The following GABRG3 variants were observed in gnomAD, a reference collection of about 807,000 sequenced individuals.
GABRG3 encodes the protein gamma-aminobutyric acid type A receptor subunit gamma3.
A neutral mutation model predicts 48.8 loss-of-function variants in GABRG3; 25 were observed. The observed-to-expected ratio is 0.51, with a 90% CI of 0.37 to 0.72. The LOEUF (loss-of-function observed/expected upper bound fraction) is 0.72. GABRG3 is among the 30% of genes least tolerant of loss of function. GABRG3 has a pLI of 0.00. For synonymous variants in GABRG3, 227 were observed against 217.6 expected (o/e 1.04, Z -0.38); for missense variants, 394 against 577.9 (o/e 0.68, Z 3.26).
intron 5 of GABRG3, among the ~76,000 whole-genome samples, chr15:27,388,075 A>AAGGAAGGAAAGG (rs1896011997): frequency 1.0e-5 from 1 of 100,436 alleles, no homozygotes; most frequent in African/African-American, 5.0e-5. Context: ...GTAAGGAAGG[A>AAGGAAGGAAAGG]AGGAAGGAAA....
At chr15:27,028,086 G>T (rs1896015726) in intron 3 of GABRG3, among the ~76,000 whole-genome samples, 1 of 152,234 alleles carries the variant, frequency 6.6e-6, no homozygotes, top group Admixed American at 6.5e-5. Flanking sequence ...TGTGCCTCGT[G>T]TTAGGCTTTG....
intron 6 of GABRG3, among the ~76,000 whole-genome samples, chr15:27,505,035 A>G (rs1890729776): frequency 6.6e-6 from 1 of 152,180 alleles, no homozygotes; most frequent in South Asian, 2.1e-4. Flanking sequence ...AGACTTGACC[A>G]GTTTTTCCAC....
At chr15:27,356,825 C>T (rs9672765) in intron 5 of GABRG3, among the ~76,000 whole-genome samples, 9,356 of 152,208 alleles carry the variant, frequency 0.061, 731 homozygotes, top group African/African-American at 0.18. Flanking sequence ...TTTCTTGATA[C>T]AGGGTTGAGT....
chr15:27,188,573 T>G (rs1595574141), intron 3 of GABRG3, among the ~76,000 whole-genome samples: 1 of 150,996 alleles, frequency 6.6e-6, no homozygotes, highest in African/African-American at 2.4e-5. Context: ...TTGATGGGGT[T>G]GTTTGTTTTT....
At chr15:27,234,914 G>C (rs908067704) in intron 3 of GABRG3, among the ~76,000 whole-genome samples, 2 of 152,164 alleles carry the variant, frequency 1.3e-5, no homozygotes, top group African/African-American at 4.8e-5. Context: ...CCCAGCGTGA[G>C]GGAAAGGGGG....
chr15:27,501,832 G>A (rs1339502153), intron 6 of GABRG3, among the ~76,000 whole-genome samples: 2 of 152,048 alleles, frequency 1.3e-5, no homozygotes, highest in African/African-American at 2.4e-5. Context: ...TACACCTCTG[G>A]TTTGTCATAT....
At chr15:27,379,433 T>G (rs1348577444) in intron 5 of GABRG3, among the ~76,000 whole-genome samples, 1 of 152,240 alleles carries the variant, frequency 6.6e-6, no homozygotes, top group African/African-American at 2.4e-5. Context: ...GCTGTTATTT[T>G]GAACAAACTA....
At chr15:27,497,792 T>G (rs2150852314) in intron 6 of GABRG3, among the ~76,000 whole-genome samples, 1 of 152,286 alleles carries the variant, frequency 6.6e-6, no homozygotes, top group Admixed American at 6.5e-5. Context: ...CATATTTTTG[T>G]CTTACTTCTA....
intron 7 of GABRG3, 111 bp from the exon 8 acceptor site, chr15:27,527,322 T>C (rs566911381): frequency 7.8e-5 from 65 of 837,896 alleles, no homozygotes; most frequent in African/African-American, 7.5e-4. Context: ...GTATGCAGCA[T>C]CAGGGATTCC....
intron 5 of GABRG3, among the ~76,000 whole-genome samples, chr15:27,329,681 G>A (rs545956319): frequency 9.9e-5 from 15 of 152,134 alleles, no homozygotes; most frequent in South Asian, 6.2e-4. Flanking sequence ...TTAATTTTTC[G>A]TAGTATTTTA....
chr15:27,079,355 A>T (rs567811991), intron 3 of GABRG3, among the ~76,000 whole-genome samples: 66 of 152,356 alleles, frequency 4.3e-4, no homozygotes, highest in African/African-American at 1.6e-3. Flanking sequence ...GGAAGTCAGA[A>T]TACTTTTAAA....
At chr15:27,459,231 C>T (rs1344066100) in intron 5 of GABRG3, among the ~76,000 whole-genome samples, 5 of 152,196 alleles carry the variant, frequency 3.3e-5, no homozygotes, top group African/African-American at 1.2e-4. Flanking sequence ...AGGCTCGGTC[C>T]CATACAGTAG....
rs949209352 is a variant in GABRG3, at chr15:27,328,666, T to C, written c.492-140T>C. 9.2e-6 allele frequency: 6 copies of C among 651,658 alleles called. No individual in the cohort carries two copies. The African/African-American group carries it at 1.1e-4, about 12-fold the overall frequency. 40.4% of individuals were successfully genotyped at this position (651,658 alleles called of 1,614,324 possible). ...CACAGCACAGTCTCACCGTGAATGG[T>C]TCCCGGGCCAAGAGTGAGCCGCACA... is the stretch of plus-strand genomic sequence containing the variant. On this transcript the variant is annotated intron_variant, in intron 4 of 9. Coordinates refer to ENST00000615808, the MANE Select transcript of GABRG3 (RefSeq NM_033223.5).
intron 3 of GABRG3, among the ~76,000 whole-genome samples, chr15:27,164,905 A>G (rs1282282944): frequency 6.6e-6 from 1 of 152,204 alleles, no homozygotes. Flanking sequence ...CTCTCAGTGG[A>G]AAGTGATGTC....
In GABRG3 at chr15:27,539,198, C is replaced by T. The variant is rs901812798; in HGVS notation, c.*6317C>T. The stretch of plus-strand genomic sequence containing the variant: ...TTACGGCAAGGCAGTGGGAAGGTGC[C>T]AGCATCCCCTTTCCACCTGAGATGG... On this transcript the variant is annotated 3_prime_UTR_variant, in exon 10 of 10. Coordinates refer to ENST00000615808, the MANE Select transcript of GABRG3 (RefSeq NM_033223.5). 5.3e-5 allele frequency: 8 copies of T among 152,182 alleles called. No homozygotes were observed. The highest frequency in any genetic ancestry group is 8.8e-5 in the Non-Finnish European group (6 of 68,062). 9.4% of individuals were successfully genotyped at this position (152,182 alleles called of 1,614,324 possible).
chr15:27,059,180 T>A (rs1896604151), intron 3 of GABRG3, among the ~76,000 whole-genome samples: 1 of 152,232 alleles, frequency 6.6e-6, no homozygotes. Flanking sequence ...AACACGAGGC[T>A]GCAAAGGTTG....
At chr15:27,257,187 A>G (rs1367230841) in intron 3 of GABRG3, among the ~76,000 whole-genome samples, 2 of 150,634 alleles carry the variant, frequency 1.3e-5, no homozygotes, top group African/African-American at 4.9e-5. Context: ...TTTTTTAATA[A>G]ACCTGTTGGC....
intron 3 of GABRG3, among the ~76,000 whole-genome samples, chr15:27,201,016 C>G (rs1470681575): frequency 1.3e-5 from 2 of 152,098 alleles, no homozygotes; most frequent in Non-Finnish European, 1.5e-5. Context: ...TGCCCTGCCT[C>G]TGGAATAGTC....
In GABRG3 at chr15:27,196,393, G is replaced by A. The variant is rs537932169; in HGVS notation, c.271-130416G>A. Among the ~76,000 whole-genome samples the A allele has an allele frequency of 1.2e-4, 18 of 152,094 alleles. No individual in the cohort carries two copies. In the South Asian group the frequency reaches 1.2e-3, roughly 11 times the overall value. ...CTTGCTGTCTGCTCAAACTGTGCTC[G>A]CTGTGAGCTGCTGGGAACTCTCCCA... On this transcript the variant is annotated intron_variant, in intron 3 of 9. Transcript: ENST00000615808.
Sources: gnomAD v4.1 joint callset for allele counts (sites outside exome capture counted in the v4.1 genomes callset) on GRCh38, gnomAD v4.1.1 for gene constraint, MANE v1.5 for transcripts, NCBI Gene and HGNC (gene_info 2026-07-23, HGNC 2026-07-21) for gene names.